The following RPA3 variants were observed in gnomAD, a reference collection of about 807,000 sequenced individuals.
The protein encoded by RPA3 is replication protein A3, also known as replication protein A 14 kDa subunit.
A neutral mutation model predicts 13.7 loss-of-function variants in RPA3; 24 were observed. The ratio of observed to expected loss-of-function variants is 1.75; its 90% CI spans 1.27 to 2.46. The LOEUF is 2.46. Ranked by LOEUF, RPA3 falls within the 30% of genes most tolerant of loss-of-function variation. RPA3 has a pLI of 0.00. For missense variants in RPA3, 183 were observed against 151.0 expected (o/e 1.21, Z -1.11); for synonymous variants, 59 against 51.2 (o/e 1.15, Z -0.65).
At chr7:7,703,865 C>T (rs565378277) in intron 2 of RPA3, among the ~76,000 whole-genome samples, 15 of 152,126 alleles carry the variant, frequency 9.9e-5, no homozygotes, top group Admixed American at 6.5e-4. Flanking sequence ...TTGCTTGAGC[C>T]TGGGAGGTTG....
intron 4 of RPA3, among the ~76,000 whole-genome samples, chr7:7,656,255 A>G (rs1383929843): frequency 1.3e-5 from 2 of 152,176 alleles, no homozygotes; most frequent in African/African-American, 4.8e-5. Flanking sequence ...TGAAGGAGAA[A>G]AAAGAACAAT....
intron 4 of RPA3, among the ~76,000 whole-genome samples, chr7:7,644,783 C>T (rs1386027730): frequency 6.6e-6 from 1 of 152,030 alleles, no homozygotes; most frequent in South Asian, 2.1e-4. Context: ...GCTGTGTTCT[C>T]GGGAATGTCT....
At chr7:7,717,432 C>T (rs560207272) in intron 1 of RPA3, among the ~76,000 whole-genome samples, 4 of 152,164 alleles carry the variant, frequency 2.6e-5, no homozygotes, top group African/African-American at 7.2e-5. Context: ...GTTTCTTTGG[C>T]GTGAGACGAT....
intron 2 of RPA3, among the ~76,000 whole-genome samples, chr7:7,701,657 A>G (rs1780466146): frequency 1.3e-5 from 2 of 152,208 alleles, no homozygotes; most frequent in Non-Finnish European, 2.9e-5. Flanking sequence ...ATAGTGAAAT[A>G]TGATTAGGAG....
intron 4 of RPA3, among the ~76,000 whole-genome samples, chr7:7,679,883 A>G (rs1420562548): frequency 6.6e-6 from 1 of 151,206 alleles, no homozygotes; most frequent in African/African-American, 2.4e-5. Flanking sequence ...TTAAAATTGG[A>G]TTATTTTATT....
chr7:7,686,497 T>C (rs982148712), intron 3 of RPA3, among the ~76,000 whole-genome samples: 1 of 152,202 alleles, frequency 6.6e-6, no homozygotes, highest in Non-Finnish European at 1.5e-5. Context: ...TTGAGAATTA[T>C]CTTTTAATGA....
At chr7:7,677,664 GTTTTT>G (rs141602455) in intron 4 of RPA3, among the ~76,000 whole-genome samples, 2 of 113,502 alleles carry the variant, frequency 1.8e-5, no homozygotes, top group Admixed American at 9.9e-5. Context: ...CTGTTTTTTT[GTTTTT>G]TTTTTTTTTT....
intron 4 of RPA3, among the ~76,000 whole-genome samples, chr7:7,668,374 A>G (rs1003638469): frequency 6.6e-6 from 1 of 152,198 alleles, no homozygotes; most frequent in African/African-American, 2.4e-5. Context: ...AAAAAAATTT[A>G]TGAGTACAGT....
At chr7:7,711,111 T>G (rs1563144546) in intron 2 of RPA3, among the ~76,000 whole-genome samples, 1 of 152,204 alleles carries the variant, frequency 6.6e-6, no homozygotes, top group African/African-American at 2.4e-5. Flanking sequence ...TATGGAGATG[T>G]TCTGTATCTG....
rs1779656184 is a variant in RPA3 at position 7,673,348 on chromosome 7, GCAGCAGCAGCAGCAGCAGCA to G, written c.-758+12462_-758+12481del. On this transcript the variant is annotated intron_variant, in intron 4 of 7. Coordinates refer to ENST00000223129, the MANE Select transcript of RPA3 (RefSeq NM_002947.5). ...AGCAGCAGCAGCAGCAGCAGCAGCA[GCAGCAGCAGCAGCAGCAGCA>G]GCAATGTTTCACTTCTTCAGAAAGC... is the stretch of plus-strand genomic sequence containing the variant. The G allele has an allele frequency of 2.4e-6, 3 of 1,275,244 alleles. No homozygotes were observed. In the African/African-American group the frequency reaches 4.6e-5, roughly 19 times the overall value. The allele number at this position is 1,275,244 out of a possible 1,614,324, so 79.0% of individuals were successfully genotyped here.
intron 1 of RPA3, among the ~76,000 whole-genome samples, chr7:7,717,731 A>T (rs757877394): frequency 6.6e-6 from 1 of 152,238 alleles, no homozygotes; most frequent in African/African-American, 2.4e-5. Context: ...TTTAACAAAG[A>T]AGTTAGTTTG....
At position 7,683,739 on chromosome 7, in the gene RPA3, C is replaced by T. The variant is rs564238462; in HGVS notation, c.-758+2091G>A. Among the ~76,000 whole-genome samples, 9 of 152,212 alleles carry T rather than the reference C, an allele frequency of 5.9e-5. No homozygotes were observed. The South Asian group carries it at 1.9e-3, about 32-fold the overall frequency. On this transcript the variant is annotated intron_variant, in intron 4 of 7. Transcript: ENST00000223129. ...CTGGGTTCAAGTGATTCTCCTGCCT[C>T]AGCCTCCCAAGTAGCTGGGATTACA...
chr7:7,657,446 G>A (rs374663995), intron 4 of RPA3, among the ~76,000 whole-genome samples: 25 of 152,244 alleles, frequency 1.6e-4, no homozygotes, highest in African/African-American at 4.8e-4. Flanking sequence ...ATGATTTTAC[G>A]TCTTACGTTT....
intron 2 of RPA3, among the ~76,000 whole-genome samples, chr7:7,700,570 A>G (rs1780434850): frequency 6.6e-6 from 1 of 152,000 alleles, no homozygotes; most frequent in Non-Finnish European, 1.5e-5. Context: ...TACAAAATAA[A>G]AACAACAAAC....
intron 4 of RPA3, among the ~76,000 whole-genome samples, chr7:7,645,971 T>TCGCTG (rs1785084169): frequency 6.6e-6 from 1 of 152,168 alleles, no homozygotes; most frequent in African/African-American, 2.4e-5. Context: ...GCTCGTTTGC[T>TCGCTG]CGGCTGCCGT....
intron 4 of RPA3, among the ~76,000 whole-genome samples, chr7:7,677,349 C>G (rs992006445): frequency 6.6e-6 from 1 of 152,086 alleles, no homozygotes; most frequent in African/African-American, 2.4e-5. Flanking sequence ...CTTATTCCTT[C>G]TATCTAACTG....
intron 4 of RPA3, among the ~76,000 whole-genome samples, chr7:7,679,689 T>TTATATATTTAATTTATAGATAAATATA (rs1779854749): frequency 7.8e-6 from 1 of 127,636 alleles, no homozygotes; most frequent in African/African-American, 3.1e-5. Flanking sequence ...AAATATATAT[T>TTATATATTTAATTTATAGATAAATATA]TATATATTTA....
In RPA3 at chr7:7,687,266, G is replaced by T. The variant is rs1232908885; in HGVS notation, c.-965C>A. 1.3e-5 allele frequency: 2 copies of T among 152,186 alleles called. No individual in the cohort carries two copies. Among genetic ancestry groups the T allele is most frequent in the African/African-American group, 4.8e-5 (2 of 41,442 alleles). 9.4% of individuals were successfully genotyped at this position (152,186 alleles called of 1,614,324 possible). A position where few individuals can be genotyped will look rare whatever the true frequency, so the allele number is the denominator to read the frequency against. On this transcript the variant is annotated 5_prime_UTR_variant, in exon 3 of 8. An upstream open reading frame in the 5' UTR gains an earlier in-frame stop. Transcript: ENST00000223129. ...TTTTCCTTTTGTGTGAAATGTTAAT[G>T]ATATCATGGTGTCTTCATTACATTG...
Position 7,677,962 on chromosome 7 carries a change from C to T in RPA3, c.-758+7868G>A, listed in dbSNP as rs142558822. Reference sequence around the variant, plus strand: ...TGCTGGGATTACAGGCGTGAGCCACCGCGCCCGGCCTATCTATTCATCTGT... The same window carrying T: ...TGCTGGGATTACAGGCGTGAGCCACTGCGCCCGGCCTATCTATTCATCTGT... On this transcript the variant is annotated intron_variant, in intron 4 of 7. Transcript: ENST00000223129. Among the ~76,000 whole-genome samples, 830 of 152,158 alleles carry T rather than the reference C, an allele frequency of 5.5e-3. 6 individuals carry two copies. Among genetic ancestry groups the T allele is most frequent in the African/African-American group, 0.019 (776 of 41,530 alleles).
Sources: allele counts gnomAD v4.1 joint callset (sites outside exome capture counted in the v4.1 genomes callset), GRCh38; gene constraint gnomAD v4.1.1; transcripts MANE v1.5; gene names NCBI Gene and HGNC (gene_info 2026-07-23, HGNC 2026-07-21).